The following DUSP4 variants were observed in gnomAD, a reference collection of about 807,000 sequenced individuals.
DUSP4 encodes dual specificity phosphatase 4.
Under a neutral mutation model 27.2 loss-of-function variants are expected in DUSP4, and 12 were observed. That is an observed-to-expected ratio of 0.44 (90% CI 0.28 to 0.71). The LOEUF is 0.71. Ranked by LOEUF, DUSP4 falls within the 30% of genes least tolerant of loss-of-function variation. The pLI is 0.14. For missense variants in DUSP4, 448 were observed against 551.3 expected, an observed-to-expected ratio of 0.81 and a Z score of 1.88; for synonymous variants, 257 against 245.2, an observed-to-expected ratio of 1.05 and a Z score of -0.45.
chr8:29,338,548 G>A, intron 2 of DUSP4, 47 bp from the exon 3 acceptor site: 1 of 1,577,926 alleles, frequency 6.3e-7, no homozygotes, highest in South Asian at 1.1e-5. Flanking sequence ...TGAGGGTAAA[G>A]TGCTTGGCAC....
rs994755665 is a variant in DUSP4 at position 29,333,640 on chromosome 8, C to G, written c.*3386G>C. 6.6e-6 allele frequency: 1 copy of G among 152,252 alleles called. No homozygotes were observed. The highest frequency in any genetic ancestry group is 6.5e-5 in the Admixed American group (1 of 15,284). The allele number at this position is 152,252 out of a possible 1,614,324, so 9.4% of individuals were successfully genotyped here. A position where few individuals can be genotyped will look rare whatever the true frequency, so the allele number is the denominator to read the frequency against. On this transcript the variant is annotated 3_prime_UTR_variant, in exon 4 of 4. Coordinates refer to ENST00000240100, the MANE Select transcript of DUSP4 (RefSeq NM_001394.7). ...CAGCCTCCAACAGCGCCTTGACATC[C>G]AAAAAGCATGGCAGTTTCCCAAGCT...
chr8:29,338,208 C>T, intron 3 of DUSP4, 74 bp downstream of exon 3: 5 of 1,508,548 alleles, frequency 3.3e-6, no homozygotes, highest in Middle Eastern at 2.1e-4. Context: ...CCACCTTCAA[C>T]CCAGGCTTAC....
In DUSP4 at chr8:29,337,101, G is replaced by A; in HGVS notation, c.1110C>T (p.Val370=). Residue 370 remains valine (V), a synonymous_variant, in exon 4 of 4, where the codon GTC becomes GTT. Transcript: ENST00000240100. This position sits in a 1 kb window ranked among gnomAD's most constrained non-coding sequence, Gnocchi z 6.4. ...TGGGGGCCGAGTGCACGCCCACGGAGACCGGAAAGCTGAAGACGAACTGCG... is the reference window on the plus strand; with the variant it reads ...TGGGGGCCGAGTGCACGCCCACGGAAACCGGAAAGCTGAAGACGAACTGCG... ...PTSQFVFSFP[V]SVGVHSAPSS... 2 of 1,610,182 alleles carry A rather than the reference G, an allele frequency of 1.2e-6. No homozygotes were observed. Among genetic ancestry groups the A allele is most frequent in the South Asian group, 2.2e-5 (2 of 90,534 alleles).
chr8:29,350,436 C>T lies in DUSP4; in HGVS notation c.-158G>A. ...GCTCCCGCGGGAGAGCCTCTTCTTC[C>T]CTGTCCCCTTCCTCCCGCAGCCTCG... On this transcript the variant is annotated 5_prime_UTR_variant, in exon 1 of 4. Transcript: ENST00000240100. 1.2e-6 allele frequency: 1 copy of T among 852,872 alleles called. No individual in the cohort carries two copies. The allele number at this position is 852,872 out of a possible 1,614,324, so 52.8% of individuals were successfully genotyped here. A position where few individuals can be genotyped will look rare whatever the true frequency, so the allele number is the denominator to read the frequency against.
chr8:29,345,602 T>C (rs1054538215), intron 1 of DUSP4: 16 of 1,494,084 alleles, frequency 1.1e-5, no homozygotes, highest in Middle Eastern at 3.8e-4. Context: ...GATGTTCTGA[T>C]TTTTTTTCAA....
At chr8:29,341,742 C>T (rs1258673838) in intron 1 of DUSP4, among the ~76,000 whole-genome samples, 1 of 152,106 alleles carries the variant, frequency 6.6e-6, no homozygotes, top group Non-Finnish European at 1.5e-5. Context: ...CACTGCTGCC[C>T]AAAATGCAGT....
At chr8:29,342,294 T>C (rs1357682974) in intron 1 of DUSP4, among the ~76,000 whole-genome samples, 3 of 152,212 alleles carry the variant, frequency 2.0e-5, no homozygotes, top group Non-Finnish European at 2.9e-5. Context: ...ATGTATCACC[T>C]GTGCAGCCCG....
At chr8:29,347,689 G>T in intron 1 of DUSP4, 1 of 949,932 alleles carries the variant, frequency 1.1e-6, no homozygotes, top group Non-Finnish European at 1.3e-6. Context: ...CGTCGGGGCC[G>T]ACTACGAGAG....
chr8:29,335,215 CA>C lies in DUSP4; in HGVS notation c.*1810del, dbSNP rs1208567810. ...AGCTTGTTCCCTCCTCCCTCCCCCC[CA>C]AACCCTCCCCACAGAAAACGTGTCT... On this transcript the variant is annotated 3_prime_UTR_variant, in exon 4 of 4. Coordinates refer to ENST00000240100, the MANE Select transcript of DUSP4 (RefSeq NM_001394.7). 2 of 152,172 alleles carry C rather than the reference CA, an allele frequency of 1.3e-5. No homozygotes were observed. The highest frequency in any genetic ancestry group is 4.8e-5 in the African/African-American group (2 of 41,424). The allele number at this position is 152,172 out of a possible 1,614,324, so 9.4% of individuals were successfully genotyped here.
chr8:29,338,543 G>T, intron 2 of DUSP4, 42 bp from the exon 3 acceptor site: 1 of 1,586,830 alleles, frequency 6.3e-7, no homozygotes, highest in African/African-American at 1.3e-5. Context: ...TGACATGAGG[G>T]TAAAGTGCTT....
chr8:29,337,159 C>T lies in DUSP4; in HGVS notation c.1052G>A (p.Arg351Gln), dbSNP rs1236075524. 2 of 1,611,400 alleles carry T rather than the reference C, an allele frequency of 1.2e-6. No individual in the cohort carries two copies. Among genetic ancestry groups the T allele is most frequent in the South Asian group, 2.2e-5 (2 of 90,828 alleles). The change falls in exon 4 of 4, where the codon CGG (arginine) becomes CAG (glutamine). Residue 351 changes from arginine (R) to glutamine (Q), a missense_variant. Arg to Gln is a conservative substitution (Grantham distance 43). Around this residue, in one of 3 missense-constraint regions of DUSP4, gnomAD observed 100 missense variants for 139.8 expected, o/e 0.72. Transcript: ENST00000240100. This position sits in a 1 kb window ranked among gnomAD's most constrained non-coding sequence, Gnocchi z 6.4. Reference protein sequence around the residue: ...AEAASPSGPLRERGKTPATPT... With the variant: ...AEAASPSGPLQERGKTPATPT... ...GGTGGCGGGGGTCTTGCCCCGCTCC[C>T]GCAGGGGTCCCGAGGGGCTAGCAGC...
In DUSP4 at chr8:29,350,320, A is replaced by G. The variant is rs755690400; in HGVS notation, c.-42T>C. 3.9e-6 allele frequency: 6 copies of G among 1,537,396 alleles called. No individual in the cohort carries two copies. In the South Asian group the frequency reaches 7.6e-5, roughly 19 times the overall value. ...GGCGGCTGGGCGCGCGAGGAAGAGA[A>G]GAGAACCCGGGCCGCCTAGGCTGCA... On this transcript the variant is annotated 5_prime_UTR_variant, in exon 1 of 4. Transcript: ENST00000240100.
chr8:29,350,477 C>T lies in DUSP4; in HGVS notation c.-199G>A, dbSNP rs1817807372. 5 of 660,710 alleles carry T rather than the reference C, an allele frequency of 7.6e-6. No homozygotes were observed. The highest frequency in any genetic ancestry group is 4.2e-4 in the Middle Eastern group (1 of 2,376). 40.9% of individuals were successfully genotyped at this position (660,710 alleles called of 1,614,324 possible). A position where few individuals can be genotyped will look rare whatever the true frequency, so the allele number is the denominator to read the frequency against. The stretch of plus-strand genomic sequence containing the variant: ...CGCAGCCTCGCGGTCACATAGCAGT[C>T]GGAGCGGCCTCGGGCGCCCAGCCGG... On this transcript the variant is annotated 5_prime_UTR_variant, in exon 1 of 4. Coordinates refer to ENST00000240100, the MANE Select transcript of DUSP4 (RefSeq NM_001394.7).
At chr8:29,348,772 G>A (rs771104147) in intron 1 of DUSP4, 1 of 985,508 alleles carries the variant, frequency 1.0e-6, no homozygotes, top group Non-Finnish European at 1.2e-6. Context: ...GGGGAGGAGC[G>A]GCTCTTTGAT....
At chr8:29,345,642 C>G in intron 1 of DUSP4, 6 of 1,481,194 alleles carry the variant, frequency 4.1e-6, no homozygotes, top group Non-Finnish European at 5.3e-6. Flanking sequence ...AAGTGGCCAC[C>G]CTTTCTCTCT....
rs539588678 is a variant in DUSP4, at chr8:29,344,708, G to A, written c.434-4465C>T. Among the ~76,000 whole-genome samples the A allele has an allele frequency of 3.3e-4, 50 of 152,304 alleles. 1 individual carries two copies. The highest frequency in any genetic ancestry group is 9.1e-4 in the African/African-American group (38 of 41,570). Reference sequence around the variant, plus strand: ...CCACACTCCCCCGTCCCTTGCAGGAGTAGGAGATAATGTATGTAAAAGTAC... The same window carrying A: ...CCACACTCCCCCGTCCCTTGCAGGAATAGGAGATAATGTATGTAAAAGTAC... On this transcript the variant is annotated intron_variant, in intron 1 of 3. Coordinates refer to ENST00000240100, the MANE Select transcript of DUSP4 (RefSeq NM_001394.7).
At chr8:29,342,625 T>C (rs974421993) in intron 1 of DUSP4, among the ~76,000 whole-genome samples, 1 of 152,164 alleles carries the variant, frequency 6.6e-6, no homozygotes, top group Non-Finnish European at 1.5e-5. Flanking sequence ...GGCATGGCCA[T>C]GGCTGCCACT....
Position 29,348,783 on chromosome 8 carries a change from G to A in DUSP4, c.433+1063C>T, listed in dbSNP as rs567183833. On this transcript the variant is annotated intron_variant, in intron 1 of 3. Coordinates refer to ENST00000240100, the MANE Select transcript of DUSP4 (RefSeq NM_001394.7). The stretch of plus-strand genomic sequence containing the variant: ...CGGGGGGGAGGAGCGGCTCTTTGAT[G>A]GGTGTGGGGGGGTCTGAACTGCCTA... 14 of 985,148 alleles carry A rather than the reference G, an allele frequency of 1.4e-5. No homozygotes were observed. In the South Asian group the frequency reaches 2.8e-4, roughly 20 times the overall value. The allele number at this position is 985,148 out of a possible 1,614,324, so 61.0% of individuals were successfully genotyped here.
chr8:29,347,880 G>A (rs559359871), intron 1 of DUSP4: 142 of 985,692 alleles, frequency 1.4e-4, no homozygotes, highest in Admixed American at 2.5e-4. Context: ...GGAGGTTGGG[G>A]AGGGAGGACT....
Sources: gnomAD v4.1 joint callset for allele counts (sites outside exome capture counted in the v4.1 genomes callset) on GRCh38, gnomAD v4.1.1 for gene constraint, gnomAD v4.1.1 regional missense constraint, Gnocchi (gnomAD v3.1) non-coding constraint, MANE v1.5 for transcripts, NCBI Gene and HGNC (gene_info 2026-07-23, HGNC 2026-07-21) for gene names.